The following TMEM132B variants were observed in gnomAD, a reference collection of about 807,000 sequenced individuals.
TMEM132B encodes transmembrane protein 132B.
Under a neutral mutation model 90.8 loss-of-function variants are expected in TMEM132B, and 18 were observed. The ratio of observed to expected loss-of-function variants is 0.20; its 90% CI spans 0.14 to 0.29. The LOEUF is 0.29. TMEM132B is among the 10% of genes least tolerant of loss of function. The pLI is 1.00. For missense variants in TMEM132B, 1,096 were observed against 1,326.8 expected (o/e 0.83, Z 2.70); for synonymous variants, 504 against 523.3 (o/e 0.96, Z 0.50).
intron 1 of TMEM132B, among the ~76,000 whole-genome samples, chr12:125,293,035 C>T (rs952710528): frequency 6.6e-6 from 1 of 152,194 alleles, no homozygotes; most frequent in Non-Finnish European, 1.5e-5. Flanking sequence ...AAGCCCAGGT[C>T]ATGGGTTGGA....
rs942668724 is a variant in TMEM132B at position 125,405,687 on chromosome 12, C to T, written c.960-9844C>T. Among the ~76,000 whole-genome samples, 44 of 152,096 alleles carry T rather than the reference C, an allele frequency of 2.9e-4. 1 individual carries two copies. The highest frequency in any genetic ancestry group is 5.1e-4 in the Non-Finnish European group (35 of 68,026). ...CCTGCCTCCACCTTGTGATTTTGTG[C>T]CTGTTCCTTAATTGTTTGGTGCCAC... On this transcript the variant is annotated intron_variant, in intron 2 of 8. Coordinates refer to ENST00000682704, the MANE Select transcript of TMEM132B (RefSeq NM_001366854.1).
At chr12:125,326,531 G>A in intron 1 of TMEM132B, 1 of 1,432,550 alleles carries the variant, frequency 7.0e-7, no homozygotes, top group Non-Finnish European at 9.6e-7. Flanking sequence ...GCTTAATGCT[G>A]TTTGATGGGG....
At chr12:125,296,350 C>T (rs1315741203) in intron 1 of TMEM132B, among the ~76,000 whole-genome samples, 2 of 152,224 alleles carry the variant, frequency 1.3e-5, no homozygotes, top group Non-Finnish European at 2.9e-5. Context: ...TCCCAGGTAT[C>T]TGTTTGGCCA....
At chr12:125,626,582 C>CATTTATTTCGG (rs1251625955) in intron 5 of TMEM132B, among the ~76,000 whole-genome samples, 1 of 152,006 alleles carries the variant, frequency 6.6e-6, no homozygotes, top group East Asian at 1.9e-4. Context: ...AACTATAGGG[C>CATTTATTTCGG]AATAGTTATT....
intron 1 of TMEM132B, among the ~76,000 whole-genome samples, chr12:125,231,067 G>T (rs1873809476): frequency 1.3e-5 from 2 of 152,104 alleles, no homozygotes. Context: ...TTTTTGGTAG[G>T]GCCGTGCTCC....
chr12:125,563,958 T>G (rs1234125202), intron 4 of TMEM132B, among the ~76,000 whole-genome samples: 1 of 152,202 alleles, frequency 6.6e-6, no homozygotes, highest in Non-Finnish European at 1.5e-5. Flanking sequence ...GATTTCAGAC[T>G]TCTGGCCTGC....
chr12:125,189,986 A>T (rs1008058856), intron 1 of TMEM132B, among the ~76,000 whole-genome samples: 1 of 152,120 alleles, frequency 6.6e-6, no homozygotes, highest in Admixed American at 6.5e-5. Context: ...CTGTGGCGAG[A>T]TGGAGGCACC....
chr12:125,447,262 TCTATTC>T (rs1881028858), intron 3 of TMEM132B, among the ~76,000 whole-genome samples: 1 of 151,718 alleles, frequency 6.6e-6, no homozygotes, highest in African/African-American at 2.4e-5. Flanking sequence ...TTACTCCTAT[TCTATTC>T]TGTATTTATT....
intron 2 of TMEM132B, among the ~76,000 whole-genome samples, chr12:125,381,117 A>G (rs1223195168): frequency 6.6e-6 from 1 of 152,200 alleles, no homozygotes; most frequent in Non-Finnish European, 1.5e-5. Flanking sequence ...GCCCCATTCC[A>G]GCTCTGTGGA....
intron 4 of TMEM132B, among the ~76,000 whole-genome samples, chr12:125,538,904 C>G (rs1211659476): frequency 6.6e-6 from 1 of 152,164 alleles, no homozygotes; most frequent in Non-Finnish European, 1.5e-5. Flanking sequence ...TTCAGCCCAT[C>G]AGCAAGTCCT....
intron 2 of TMEM132B, among the ~76,000 whole-genome samples, chr12:125,399,416 T>A (rs1015320005): frequency 6.6e-6 from 1 of 151,828 alleles, no homozygotes; most frequent in Non-Finnish European, 1.5e-5. Context: ...GGCAGAGTTT[T>A]GGACTTGCTT....
intron 1 of TMEM132B, among the ~76,000 whole-genome samples, chr12:125,218,533 G>T (rs1396313888): frequency 6.6e-6 from 1 of 152,082 alleles, no homozygotes; most frequent in East Asian, 1.9e-4. Flanking sequence ...TTCTGGGGTA[G>T]GAGGGAAGAA....
chr12:125,195,983 C>CT (rs1292969028), intron 1 of TMEM132B, among the ~76,000 whole-genome samples: 6 of 152,088 alleles, frequency 3.9e-5, no homozygotes, highest in Non-Finnish European at 7.4e-5. Context: ...TTGGTTAGAA[C>CT]TTTGAGTTTT....
chr12:125,597,615 T>G (rs1276586795), intron 5 of TMEM132B, among the ~76,000 whole-genome samples: 1 of 152,216 alleles, frequency 6.6e-6, no homozygotes, highest in African/African-American at 2.4e-5. Context: ...GATTTTTTCA[T>G]TTTTAAAGAA....
chr12:125,327,329 C>T (rs1188116262), intron 1 of TMEM132B: 3 of 152,406 alleles, frequency 2.0e-5, no homozygotes, highest in East Asian at 1.9e-4. Context: ...ACCCACCTCC[C>T]TTGTCCCAGT....
chr12:125,334,069 C>T (rs1390354621), intron 1 of TMEM132B, among the ~76,000 whole-genome samples: 1 of 152,112 alleles, frequency 6.6e-6, no homozygotes, highest in Non-Finnish European at 1.5e-5. Flanking sequence ...TCTGGGGCCC[C>T]TCTTTCAACT....
At chr12:125,218,092 A>G (rs563322279) in intron 1 of TMEM132B, among the ~76,000 whole-genome samples, 14 of 152,308 alleles carry the variant, frequency 9.2e-5, no homozygotes, top group African/African-American at 3.4e-4. Flanking sequence ...TGTGGACAAG[A>G]GAACAATACA....
intron 3 of TMEM132B, among the ~76,000 whole-genome samples, chr12:125,514,261 A>T (rs1463962516): frequency 3.3e-5 from 5 of 152,078 alleles, no homozygotes; most frequent in Admixed American, 1.3e-4. Flanking sequence ...ATGTTCAAAG[A>T]ATTAAACAAA....
At chr12:125,423,590 C>T (rs1462947755) in intron 3 of TMEM132B, among the ~76,000 whole-genome samples, 1 of 152,220 alleles carries the variant, frequency 6.6e-6, no homozygotes, top group Non-Finnish European at 1.5e-5. Context: ...TGAATTTATG[C>T]TGCTGGCCAG....
Sources: allele counts gnomAD v4.1 joint callset (sites outside exome capture counted in the v4.1 genomes callset), GRCh38; gene constraint gnomAD v4.1.1; transcripts MANE v1.5; gene names NCBI Gene and HGNC (gene_info 2026-07-23, HGNC 2026-07-21).